TACR1: variants seen among roughly 807,000 people sequenced by gnomAD.
TACR1 encodes substance-P receptor.
In TACR1, 25 loss-of-function variants were observed where a neutral mutation model predicts 35.8. The ratio of observed to expected loss-of-function variants is 0.70; its 90% CI spans 0.51 to 0.98. The LOEUF is 0.98. TACR1 is among the 50% of genes least tolerant of loss of function. TACR1 has a pLI of 0.00. For missense variants in TACR1, 478 were observed against 522.9 expected (o/e 0.91, Z 0.84); for synonymous variants, 195 against 206.7 (o/e 0.94, Z 0.48).
intron 1 of TACR1, among the ~76,000 whole-genome samples, chr2:75,137,691 T>C (rs1237204589): frequency 8.6e-6 from 1 of 116,942 alleles, no homozygotes; most frequent in Non-Finnish European, 1.6e-5. Context: ...ATCACACCGC[T>C]GCCCTCCAGC....
At chr2:75,124,164 G>T (rs939637180) in intron 1 of TACR1, among the ~76,000 whole-genome samples, 11 of 152,264 alleles carry the variant, frequency 7.2e-5, no homozygotes, top group African/African-American at 2.4e-4. Context: ...GATTTGAATT[G>T]TATGTGTCCT....
chr2:75,120,054 C>G (rs933454503), intron 2 of TACR1, among the ~76,000 whole-genome samples: 1 of 152,084 alleles, frequency 6.6e-6, no homozygotes, highest in Admixed American at 6.5e-5. Context: ...GCCAGCTCCC[C>G]TTAGGCATTG....
chr2:75,129,318 C>G (rs1674136353), intron 1 of TACR1, among the ~76,000 whole-genome samples: 1 of 152,108 alleles, frequency 6.6e-6, no homozygotes, highest in Admixed American at 6.6e-5. Flanking sequence ...ATGTAGTTGG[C>G]CATAATCTTA....
chr2:75,154,482 AACCCAC>A (rs1674780804), intron 1 of TACR1: 1 of 70,716 alleles, frequency 1.4e-5, no homozygotes, highest in East Asian at 3.5e-4. Context: ...ATTCAGCACT[AACCCAC>A]CACACACACA....
intron 1 of TACR1, among the ~76,000 whole-genome samples, chr2:75,136,223 T>A (rs1674286258): frequency 6.6e-6 from 1 of 152,160 alleles, no homozygotes; most frequent in South Asian, 2.1e-4. Context: ...CAGCCTTCCT[T>A]CCTGCCCTGT....
At chr2:75,172,331 G>A (rs1014202183) in intron 1 of TACR1, among the ~76,000 whole-genome samples, 1 of 152,152 alleles carries the variant, frequency 6.6e-6, no homozygotes, top group Non-Finnish European at 1.5e-5. Flanking sequence ...TGTTAATTTT[G>A]TGTACTTTTG....
At chr2:75,149,817 C>T (rs986542010) in intron 1 of TACR1, among the ~76,000 whole-genome samples, 9 of 152,022 alleles carry the variant, frequency 5.9e-5, no homozygotes, top group East Asian at 5.8e-4. Flanking sequence ...TGTCTTGTGC[C>T]GGTTTTCAAA....
chr2:75,109,225 A>G (rs1321524612), intron 2 of TACR1, among the ~76,000 whole-genome samples: 1 of 152,176 alleles, frequency 6.6e-6, no homozygotes, highest in Non-Finnish European at 1.5e-5. Flanking sequence ...TCGCGGGCCA[A>G]TGTGCACTTC....
intron 2 of TACR1, among the ~76,000 whole-genome samples, chr2:75,054,321 G>A (rs754311103): frequency 3.3e-5 from 5 of 152,180 alleles, no homozygotes; most frequent in Non-Finnish European, 7.3e-5. Flanking sequence ...TGAATTTATC[G>A]GTATCAGAAT....
chr2:75,134,565 TTTGAATTTGACCTGAAAG>T (rs1558564442), intron 1 of TACR1, among the ~76,000 whole-genome samples: 1 of 152,062 alleles, frequency 6.6e-6, no homozygotes, highest in Admixed American at 6.5e-5. Context: ...GGAGGTGACA[TTTGAATTTGACCTGAAAG>T]GTTGAGCTGG....
intron 1 of TACR1, among the ~76,000 whole-genome samples, chr2:75,130,245 G>C (rs1674150800): frequency 6.6e-6 from 1 of 152,158 alleles, no homozygotes; most frequent in Admixed American, 6.5e-5. Context: ...AAGTATAGCA[G>C]GTAAGACAAT....
Position 75,048,053 on chromosome 2 carries a change from G to A in TACR1, c.*1379C>T, listed in dbSNP as rs1367511804. 1 of 152,184 alleles carries A rather than the reference G, an allele frequency of 6.6e-6. No homozygotes were observed. The highest frequency in any genetic ancestry group is 1.5e-5 in the Non-Finnish European group (1 of 68,030). 9.4% of individuals were successfully genotyped at this position (152,184 alleles called of 1,614,324 possible). ...TTAGGATATAAAGCATTCAGTTCAT[G>A]GCTCTTGGAAGACTGACTGTCCTTT... On this transcript the variant is annotated 3_prime_UTR_variant, in exon 5 of 5. Coordinates refer to ENST00000305249, the MANE Select transcript of TACR1 (RefSeq NM_001058.4).
In TACR1 at chr2:75,191,272, A is replaced by C. The variant is rs3771862; in HGVS notation, c.389+7274T>G. ...TTTTATATGGTGTGAACAATGCAGG[A>C]GTTGGAGGGCTGGGTGGAGAGTAGG... On this transcript the variant is annotated intron_variant, in intron 1 of 4. Transcript: ENST00000305249. 6.6e-5 allele frequency among the ~76,000 whole-genome samples: 10 copies of C among 152,256 alleles called. No individual in the cohort carries two copies. The East Asian group carries it at 1.9e-3, about 29-fold the overall frequency.
At chr2:75,104,516 A>G (rs1378762179) in intron 2 of TACR1, among the ~76,000 whole-genome samples, 1 of 152,070 alleles carries the variant, frequency 6.6e-6, no homozygotes, top group African/African-American at 2.4e-5. Context: ...TAGGACTTGA[A>G]ACATGCTTTA....
intron 1 of TACR1, among the ~76,000 whole-genome samples, chr2:75,144,520 A>C (rs942006188): frequency 6.6e-6 from 1 of 152,270 alleles, no homozygotes; most frequent in Non-Finnish European, 1.5e-5. Context: ...GGAAAGATGG[A>C]TAAACAGAAA....
chr2:75,112,879 C>T (rs1381238431), intron 2 of TACR1, among the ~76,000 whole-genome samples: 2 of 152,058 alleles, frequency 1.3e-5, no homozygotes, highest in African/African-American at 4.8e-5. Context: ...ATTACTGTTT[C>T]AATATAATTT....
chr2:75,162,225 A>T (rs528065949), intron 1 of TACR1, among the ~76,000 whole-genome samples: 70 of 152,310 alleles, frequency 4.6e-4, no homozygotes, highest in South Asian at 1.9e-3. Flanking sequence ...ACAAATTCAA[A>T]AGAATACAGC....
chr2:75,050,860 T>C (rs1106855), intron 4 of TACR1, among the ~76,000 whole-genome samples: 116,940 of 152,232 alleles, frequency 0.77, 45,249 homozygotes, highest in Middle Eastern at 0.86. Context: ...TAGCCCGCTG[T>C]GTACTGGATC....
At position 75,048,047 on chromosome 2, in the gene TACR1, G is replaced by C. The variant is rs1031620319; in HGVS notation, c.*1385C>G. ...TCTAAATTAGGATATAAAGCATTCAGTTCATGGCTCTTGGAAGACTGACTG... is the reference window on the plus strand; with the variant it reads ...TCTAAATTAGGATATAAAGCATTCACTTCATGGCTCTTGGAAGACTGACTG... On this transcript the variant is annotated 3_prime_UTR_variant, in exon 5 of 5. Transcript: ENST00000305249. 6.6e-6 allele frequency: 1 copy of C among 152,204 alleles called. No homozygotes were observed. The highest frequency in any genetic ancestry group is 2.4e-5 in the African/African-American group (1 of 41,450). The allele number at this position is 152,204 out of a possible 1,614,324, so 9.4% of individuals were successfully genotyped here. A position where few individuals can be genotyped will look rare whatever the true frequency, so the allele number is the denominator to read the frequency against.
Sources: allele counts gnomAD v4.1 joint callset (sites outside exome capture counted in the v4.1 genomes callset), GRCh38; gene constraint gnomAD v4.1.1; transcripts MANE v1.5; gene names NCBI Gene and HGNC (gene_info 2026-07-23, HGNC 2026-07-21).